The following PDZD7 variants were observed in gnomAD, a reference collection of about 807,000 sequenced individuals.
The protein encoded by PDZD7 is PDZ domain-containing protein 7.
A neutral mutation model predicts 84.7 loss-of-function variants in PDZD7; 72 were observed. That is an observed-to-expected ratio of 0.85 (90% CI 0.70 to 1.03). The LOEUF (loss-of-function observed/expected upper bound fraction) is 1.03. Among genes scored for constraint, PDZD7 ranks in the 50% least tolerant of loss-of-function variants. PDZD7 has a pLI of 0.00. For missense variants in PDZD7, 1,490 were observed against 1,412.9 expected (o/e 1.05, Z -0.87); for synonymous variants, 594 against 580.7 (o/e 1.02, Z -0.33).
rs1590042572 is a variant in PDZD7 at position 101,008,484 on chromosome 10, A to G, written c.3085T>C (p.Ser1029Pro). The change falls in exon 17 of 17, where the codon TCC becomes CCC. Residue 1029 changes from serine (S) to proline (P), a missense_variant. Coordinates refer to ENST00000619208, the MANE Select transcript of PDZD7 (RefSeq NM_001195263.2). ...GGGGAGGGTCATGGGATGCGTGGGG[A>G]GGGTGCGGGCTTAGAATCAGGAGTC... ...LQTPDSKPAP[S>P]PRIP is the part of the protein sequence containing the mutation. The G allele has an allele frequency of 1.3e-6, 2 of 1,484,030 alleles. No homozygotes were observed. The highest frequency in any genetic ancestry group is 3.2e-5 in the African/African-American group (2 of 62,498). 91.9% of individuals were successfully genotyped at this position (1,484,030 alleles called of 1,614,324 possible). A position where few individuals can be genotyped will look rare whatever the true frequency, so the allele number is the denominator to read the frequency against.
In PDZD7 at chr10:101,008,109, C is replaced by G. The variant is rs956438818; in HGVS notation, c.*358G>C. ...TGCATTGACCCCTTCAGGGCCCTGT[C>G]TGAGAGTCTGTGTCCCTGGAGGCTT... On this transcript the variant is annotated 3_prime_UTR_variant, in exon 17 of 17. Coordinates refer to ENST00000619208, the MANE Select transcript of PDZD7 (RefSeq NM_001195263.2). 1 of 316,290 alleles carries G rather than the reference C, an allele frequency of 3.2e-6. No individual in the cohort carries two copies. Among genetic ancestry groups the G allele is most frequent in the Non-Finnish European group, 5.8e-6 (1 of 171,796 alleles). 19.6% of individuals were successfully genotyped at this position (316,290 alleles called of 1,614,324 possible).
intron 13 of PDZD7, 46 bp from the exon 14 acceptor site, chr10:101,011,807 C>T (rs961792905): frequency 6.4e-7 from 1 of 1,550,416 alleles, no homozygotes; most frequent in African/African-American, 1.4e-5. Context: ...CCCCGCCAGG[C>T]TCCGGGACGG....
At chr10:101,017,682 A>G in intron 9 of PDZD7, 1 of 690,052 alleles carries the variant, frequency 1.4e-6, no homozygotes, top group Non-Finnish European at 2.6e-6. Flanking sequence ...GCACTTTGGG[A>G]GGCTGAGGTG....
rs1346048475 is a variant in PDZD7 at position 101,023,797 on chromosome 10, T to C, written c.367+131A>G. 2.0e-6 allele frequency: 3 copies of C among 1,517,646 alleles called. No individual in the cohort carries two copies. The African/African-American group carries it at 4.1e-5, about 21-fold the overall frequency. The allele number at this position is 1,517,646 out of a possible 1,614,324, so 94.0% of individuals were successfully genotyped here. On this transcript the variant is annotated intron_variant, in intron 3 of 16. Coordinates refer to ENST00000619208, the MANE Select transcript of PDZD7 (RefSeq NM_001195263.2). The stretch of plus-strand genomic sequence containing the variant: ...ACCATTCTGACTTGAGGGTTGGCCC[T>C]GTCTCCCCATCAATCAGGCCCTCCA...
chr10:101,029,452 C>A (rs1374275405), intron 2 of PDZD7, among the ~76,000 whole-genome samples: 2 of 152,170 alleles, frequency 1.3e-5, no homozygotes, highest in African/African-American at 4.8e-5. Context: ...ATGGAGCTCC[C>A]TCTCCACCCT....
intron 11 of PDZD7, among the ~76,000 whole-genome samples, chr10:101,014,361 C>T (rs577535780): frequency 1.3e-3 from 204 of 151,982 alleles, no homozygotes; most frequent in African/African-American, 3.9e-3. Context: ...TGGTTGAGCT[C>T]GGCAGGTGGT....
rs144210269 is a variant in PDZD7 at position 101,030,132 on chromosome 10, G to C, written c.88C>G (p.His30Asp). The change falls in exon 2 of 17, where the codon CAC (histidine) becomes GAC (aspartate). Residue 30 changes from histidine to aspartate, a missense_variant. His to Asp is a moderately conservative substitution (Grantham distance 81, BLOSUM62 -1). Coordinates refer to ENST00000619208, the MANE Select transcript of PDZD7 (RefSeq NM_001195263.2). ...GSLSSLSSRG[H>D]LGSDSGSTAT... is the part of the protein sequence containing the mutation. ...GTGGAGCCTGAGTCGCTGCCTAGGT[G>C]GCCTCGGGAGGAGAGGGAGCTCAGA... is the stretch of plus-strand genomic sequence containing the variant. 1.9e-6 allele frequency: 3 copies of C among 1,614,040 alleles called. No homozygotes were observed. In the African/African-American group the frequency reaches 4.0e-5, roughly 22 times the overall value.
At chr10:101,018,392 G>A in intron 8 of PDZD7, 96 bp from the exon 9 acceptor site, 2 of 1,345,704 alleles carry the variant, frequency 1.5e-6, no homozygotes, top group African/African-American at 2.9e-5. Flanking sequence ...GAAGGGAGAG[G>A]AGAGGGCAGA....
At chr10:101,018,771 T>G in intron 8 of PDZD7, 51 bp downstream of exon 8, 2 of 1,521,816 alleles carry the variant, frequency 1.3e-6, no homozygotes, top group Non-Finnish European at 1.8e-6. Flanking sequence ...GTGAGACAGG[T>G]TTTGGACCAG....
chr10:101,017,916 A>C, intron 9 of PDZD7, 183 bp downstream of exon 9: 2 of 471,672 alleles, frequency 4.2e-6, no homozygotes, highest in East Asian at 6.1e-5. Context: ...AAGAAAGAAA[A>C]GAAAGAAAGA....
chr10:101,009,002 A>C (rs543284530), intron 16 of PDZD7, among the ~76,000 whole-genome samples, 152 bp from the exon 17 acceptor site: 82 of 152,166 alleles, frequency 5.4e-4, no homozygotes, highest in Middle Eastern at 6.8e-3. Flanking sequence ...TTGTGCCTGC[A>C]GTTGTTGGGG....
chr10:101,015,636 C>CCGGG lies in PDZD7; in HGVS notation c.1745_1748dup (p.Tyr584ProfsTer56). The CCGGG allele has an allele frequency of 6.5e-7, 1 of 1,550,274 alleles. No individual in the cohort carries two copies. Among genetic ancestry groups the CCGGG allele is most frequent in the Non-Finnish European group, 8.7e-7 (1 of 1,146,830 alleles). On this transcript the variant is annotated frameshift_variant and splice_region_variant, in exon 11 of 17. Coordinates refer to ENST00000619208, the MANE Select transcript of PDZD7 (RefSeq NM_001195263.2). LOFTEE classifies it high-confidence loss of function. ...GGCTGCGGATGGGATGAAGGCTTACCCGGGAGCAGTGGCGGGTGACAGCCA... is the reference window on the plus strand; with the variant it reads ...GGCTGCGGATGGGATGAAGGCTTACCCGGGCGGGAGCAGTGGCGGGTGACAGCCA...
chr10:101,024,835 ATGTGTGTGTGTG>A (rs61697970), intron 2 of PDZD7, among the ~76,000 whole-genome samples: 2 of 148,232 alleles, frequency 1.3e-5, no homozygotes. Context: ...CCTTCCTAAT[ATGTGTGTGTGTG>A]TGTGTGTGTG....
chr10:101,008,384 G>T lies in PDZD7; in HGVS notation c.*83C>A. The T allele has an allele frequency of 7.5e-7, 1 of 1,331,444 alleles. No individual in the cohort carries two copies. The highest frequency in any genetic ancestry group is 1.0e-6 in the Non-Finnish European group (1 of 998,738). The allele number at this position is 1,331,444 out of a possible 1,614,324, so 82.5% of individuals were successfully genotyped here. A position where few individuals can be genotyped will look rare whatever the true frequency, so the allele number is the denominator to read the frequency against. On this transcript the variant is annotated 3_prime_UTR_variant, in exon 17 of 17. Coordinates refer to ENST00000619208, the MANE Select transcript of PDZD7 (RefSeq NM_001195263.2). ...GGAGGCAGGGTGGGCAGGAGCTGGA[G>T]AGTCCTGAAGAAGTTGGTAGGAGAG...
rs749796464 is a variant in PDZD7, at chr10:101,023,606, C to T, written c.372G>A (p.Arg124=). The T allele has an allele frequency of 2.5e-6, 4 of 1,611,676 alleles. 1 individual carries two copies. In the South Asian group the frequency reaches 4.4e-5, roughly 18 times the overall value. The change falls in exon 4 of 17, where the codon CGG becomes CGA. Residue 124 remains arginine (R), a synonymous_variant. Transcript: ENST00000619208. Reference sequence around the variant, plus strand: ...TCTTGTCCCCCACGCACAGGCCAGCCCGCTCTGCACCACAGGATGGGAGTG... The same window carrying T: ...TCTTGTCCCCCACGCACAGGCCAGCTCGCTCTGCACCACAGGATGGGAGTG... The part of the protein sequence containing the change: ...SKVEEGSSAE[R]AGLCVGDKIT...
At chr10:101,011,389 T>C in intron 14 of PDZD7, 1 of 639,502 alleles carries the variant, frequency 1.6e-6, no homozygotes, top group South Asian at 2.6e-5. Flanking sequence ...CGTTCTATTT[T>C]AATGTGTCTA....
rs1413293076 is a variant in PDZD7, at chr10:101,019,080, G to A, written c.1066C>T (p.Pro356Ser). The A allele has an allele frequency of 6.4e-7, 1 of 1,568,158 alleles. No homozygotes were observed. Among genetic ancestry groups the A allele is most frequent in the Non-Finnish European group, 8.6e-7 (1 of 1,163,986 alleles). The change falls in exon 8 of 17, where the codon CCC becomes TCC. Residue 356 changes from proline to serine, a missense_variant. Physicochemically the swap from Pro to Ser is moderately conservative, Grantham distance 74 (BLOSUM62 -1). Transcript: ENST00000619208. ...RMDICLGQEE[P>S]GSRGPGWGRA... ...CCCCAGCCTGGGCCGCGGCTGCCGG[G>A]CTCCTCCTGCCCGAGGCAGATGTCC...
Position 101,022,282 on chromosome 10 carries a change from T to G in PDZD7, c.646A>C (p.Thr216Pro). The G allele has an allele frequency of 6.2e-7, 1 of 1,614,102 alleles. No homozygotes were observed. The highest frequency in any genetic ancestry group is 8.5e-7 in the Non-Finnish European group (1 of 1,180,024). Reference protein sequence around the residue: ...GVRRIVHLYTTSDDFCLGFNI... With the variant: ...GVRRIVHLYTPSDDFCLGFNI... ...AAGCCCAGGCAGAAGTCGTCGGAGGTTGTGTATAGGTGGACGATGCGCCGG... is the reference window on the plus strand; with the variant it reads ...AAGCCCAGGCAGAAGTCGTCGGAGGGTGTGTATAGGTGGACGATGCGCCGG... The change falls in exon 5 of 17, where the codon ACC becomes CCC. Residue 216 changes from threonine (T) to proline (P), a missense_variant. Thr to Pro is a conservative substitution (Grantham distance 38, BLOSUM62 -1). Coordinates refer to ENST00000619208, the MANE Select transcript of PDZD7 (RefSeq NM_001195263.2).
chr10:101,009,153 T>A, intron 16 of PDZD7, 97 bp downstream of exon 16: 1 of 1,173,330 alleles, frequency 8.5e-7, no homozygotes, highest in South Asian at 1.5e-5. Flanking sequence ...CAACCCGGGC[T>A]AAACATGTCT....
Sources: gnomAD v4.1 joint callset for allele counts (sites outside exome capture counted in the v4.1 genomes callset) on GRCh38, gnomAD v4.1.1 for gene constraint, MANE v1.5 for transcripts, NCBI Gene and HGNC (gene_info 2026-07-23, HGNC 2026-07-21) for gene names.